Variants in CCNH observed in about 807,000 individuals in gnomAD.
The protein encoded by CCNH is cyclin-H.
Under a neutral mutation model 41.9 loss-of-function variants are expected in CCNH, and 31 were observed. The observed-to-expected ratio is 0.74, with a 90% confidence interval of 0.56 to 1.00. The LOEUF (loss-of-function observed/expected upper bound fraction) is 1.00. Among genes scored for constraint, CCNH ranks in the 50% least tolerant of loss-of-function variants. The pLI is 0.00. For missense variants in CCNH, 362 were observed against 388.4 expected, an observed-to-expected ratio of 0.93 and a Z score of 0.57; for synonymous variants, 138 against 136.1, an observed-to-expected ratio of 1.01 and a Z score of -0.10.
At position 87,363,481 on chromosome 5, in the gene CCNH, C is replaced by T. The variant is rs747313927; in HGVS notation, c.*90+29289G>A. 22 of 1,612,010 alleles carry T rather than the reference C, an allele frequency of 1.4e-5. No individual in the cohort carries two copies. The highest frequency in any genetic ancestry group is 2.2e-5 in the East Asian group (1 of 44,720). ...ATCTCAGTGTATGTTCTGTCTATGTCGTTCATGATAGTCTCTTTGGCAGGT... is the reference window on the plus strand; with the variant it reads ...ATCTCAGTGTATGTTCTGTCTATGTTGTTCATGATAGTCTCTTTGGCAGGT... On this transcript the variant is annotated intron_variant and NMD_transcript_variant, in intron 9 of 9. Transcript: ENST00000645953.
intron 9 of CCNH, chr5:87,341,359 C>T: frequency 2.0e-6 from 2 of 1,001,872 alleles, no homozygotes; most frequent in Admixed American, 3.9e-5. Flanking sequence ...AAAAAAAAAT[C>T]TATATTGTAA....
chr5:87,378,511 G>A (rs1483075502), upstream of CCNH: 1 of 1,611,664 alleles, frequency 6.2e-7, no homozygotes, highest in Non-Finnish European at 8.5e-7. Context: ...CTATTTTAAA[G>A]ATAATGGAAA....
chr5:87,316,818 C>T (rs1336513402), downstream of CCNH, among the ~76,000 whole-genome samples: 6 of 152,000 alleles, frequency 3.9e-5, no homozygotes, highest in Middle Eastern at 3.4e-3. Context: ...GAAATTAAAG[C>T]GGCTCTAAAG....
intron 9 of CCNH, chr5:87,366,244 AC>A (rs1246210190): frequency 4.3e-6 from 1 of 231,072 alleles, no homozygotes; most frequent in Non-Finnish European, 9.4e-6. Context: ...AATGATACTT[AC>A]AACTGCAATT....
exon 1 of CCNH, chr5:87,376,861 C>CAA: frequency 6.3e-7 from 1 of 1,575,244 alleles, no homozygotes; most frequent in Non-Finnish European, 8.7e-7. Context: ...TTTAAACAAT[C>CAA]TTTTAAAATG....
chr5:87,374,378 C>G, downstream of CCNH: 7 of 1,509,404 alleles, frequency 4.6e-6, no homozygotes, highest in Non-Finnish European at 6.3e-6. Flanking sequence ...GCATTTCTTT[C>G]TGTTTTTTTG....
intron 9 of CCNH, among the ~76,000 whole-genome samples, chr5:87,321,206 G>A (rs922474057): frequency 3.9e-5 from 6 of 152,178 alleles, no homozygotes; most frequent in African/African-American, 1.4e-4. Flanking sequence ...TGTCTAGGAA[G>A]ATAAGAAGTG....
chr5:87,321,161 C>T (rs1372904691), intron 9 of CCNH, among the ~76,000 whole-genome samples: 11 of 152,076 alleles, frequency 7.2e-5, no homozygotes, highest in Admixed American at 7.2e-4. Context: ...TTCAATGATA[C>T]TGGAGGTGCA....
upstream of CCNH, among the ~76,000 whole-genome samples, chr5:87,379,060 A>C (rs1171804634): frequency 6.6e-6 from 1 of 152,228 alleles, no homozygotes; most frequent in Admixed American, 6.5e-5. Context: ...TTTAATGGTA[A>C]AGCAACTACA....
chr5:87,386,535 G>A (rs950598791), downstream of CCNH, among the ~76,000 whole-genome samples: 3 of 151,856 alleles, frequency 2.0e-5, no homozygotes, highest in Non-Finnish European at 4.4e-5. Flanking sequence ...TTGTGCTTGG[G>A]TCCAGAATTT....
chr5:87,379,332 T>C (rs967430757), upstream of CCNH, among the ~76,000 whole-genome samples: 1 of 152,126 alleles, frequency 6.6e-6, no homozygotes, highest in Non-Finnish European at 1.5e-5. Context: ...CCGACTTCCA[T>C]AGATAAATGT....
intron 9 of CCNH, among the ~76,000 whole-genome samples, chr5:87,338,504 TA>T (rs1758149810): frequency 1.7e-4 from 2 of 11,926 alleles, no homozygotes; most frequent in East Asian, 1.8e-3. Context: ...GCTAATTTTA[TA>T]TATATATATA....
rs562660748 is a variant in CCNH at position 87,363,618 on chromosome 5, A to C, written c.*90+29152T>G. On this transcript the variant is annotated intron_variant and NMD_transcript_variant, in intron 9 of 9. Coordinates refer to the CCNH transcript ENST00000645953. ...ATCATCTTCTAAAAGTAGCAGATGCACTTTCTAGGTAATTTTTGCCTTCCT... is the reference window on the plus strand; with the variant it reads ...ATCATCTTCTAAAAGTAGCAGATGCCCTTTCTAGGTAATTTTTGCCTTCCT... 16 of 1,202,338 alleles carry C rather than the reference A, an allele frequency of 1.3e-5. No individual in the cohort carries two copies. In the African/African-American group the frequency reaches 2.3e-4, roughly 17 times the overall value. 74.5% of individuals were successfully genotyped at this position (1,202,338 alleles called of 1,614,324 possible).
At chr5:87,405,768 G>A (rs958029318) in intron 4 of CCNH, among the ~76,000 whole-genome samples, 1 of 151,896 alleles carries the variant, frequency 6.6e-6, no homozygotes, top group African/African-American at 2.4e-5. Context: ...GTGTCCTCTG[G>A]TCCTCATTTC....
intron 9 of CCNH, among the ~76,000 whole-genome samples, chr5:87,334,575 C>G (rs1757830704): frequency 6.6e-6 from 1 of 152,238 alleles, no homozygotes; most frequent in Non-Finnish European, 1.5e-5. Flanking sequence ...CATAACTTGC[C>G]TTTTTCACTG....
At chr5:87,349,558 A>AAG (rs1759109150) in intron 9 of CCNH, among the ~76,000 whole-genome samples, 1 of 151,984 alleles carries the variant, frequency 6.6e-6, no homozygotes, top group African/African-American at 2.4e-5. Context: ...TTAGTAACTT[A>AAG]TACTTTGTTT....
At chr5:87,409,135 T>TA (rs796219832) in intron 3 of CCNH, 155 bp downstream of exon 3, 43,477 of 334,790 alleles carry the variant, frequency 0.13, 109 homozygotes, top group East Asian at 0.15. Context: ...AAGTTCTGAA[T>TA]AAAAAAAAAA....
upstream of CCNH, chr5:87,378,606 C>A: frequency 6.9e-7 from 1 of 1,441,262 alleles, no homozygotes; most frequent in Non-Finnish European, 9.6e-7. Context: ...AATTTGTAGC[C>A]AATTACATTT....
rs997504790 is a variant in CCNH, at chr5:87,409,418, A to C, written c.241-55T>G. 4.8e-6 allele frequency: 5 copies of C among 1,038,930 alleles called. No homozygotes were observed. The South Asian group carries it at 5.6e-5, about 12-fold the overall frequency. The allele number at this position is 1,038,930 out of a possible 1,614,324, so 64.4% of individuals were successfully genotyped here. Reference sequence around the variant, plus strand: ...ATCTAGTCACAAATGTTAAATGTTAAATTTTGTGAAACAGAACTTATTTAT... The same window carrying C: ...ATCTAGTCACAAATGTTAAATGTTACATTTTGTGAAACAGAACTTATTTAT... On this transcript the variant is annotated intron_variant, in intron 2 of 8. Coordinates refer to ENST00000256897, the MANE Select transcript of CCNH (RefSeq NM_001239.4).
Sources: allele counts gnomAD v4.1 joint callset (sites outside exome capture counted in the v4.1 genomes callset), GRCh38; gene constraint gnomAD v4.1.1; transcripts MANE v1.5; gene names NCBI Gene and HGNC (gene_info 2026-07-23, HGNC 2026-07-21).